The following CDH12 variants were observed in gnomAD, a reference collection of about 807,000 sequenced individuals.
CDH12 encodes cadherin 12, also known as cadherin-12.
Under a neutral mutation model 74.1 loss-of-function variants are expected in CDH12, and 41 were observed. That is an observed-to-expected ratio of 0.55 (90% CI 0.43 to 0.72). The LOEUF is 0.72. CDH12 is among the 30% of genes least tolerant of loss of function. The pLI is 0.00. For synonymous variants in CDH12, 399 were observed against 355.0 expected (o/e 1.12, Z -1.39); for missense variants, 945 against 977.2 (o/e 0.97, Z 0.44).
chr5:21,999,684 A>C (rs1457200032), intron 5 of CDH12, among the ~76,000 whole-genome samples: 4 of 151,680 alleles, frequency 2.6e-5, no homozygotes, highest in Non-Finnish European at 4.4e-5. Flanking sequence ...TTTTCCAGTC[A>C]TAAATGTCGA....
chr5:21,860,237 A>C (rs1033331897), intron 6 of CDH12, among the ~76,000 whole-genome samples: 6 of 152,080 alleles, frequency 3.9e-5, no homozygotes, highest in African/African-American at 1.4e-4. Context: ...TTATCATGTG[A>C]CACAAGATTT....
intron 1 of CDH12, among the ~76,000 whole-genome samples, chr5:22,814,577 A>T (rs773526859): frequency 5.9e-5 from 9 of 152,198 alleles, no homozygotes; most frequent in Non-Finnish European, 1.3e-4. Context: ...TGTAAAATCA[A>T]TCTATTCTTA....
At chr5:22,379,714 T>G (rs1373264390) in intron 3 of CDH12, among the ~76,000 whole-genome samples, 1 of 152,126 alleles carries the variant, frequency 6.6e-6, no homozygotes, top group Non-Finnish European at 1.5e-5. Flanking sequence ...TTGAAAGGTA[T>G]AGTAAATTAT....
At chr5:22,185,249 C>T (rs1156931732) in intron 4 of CDH12, among the ~76,000 whole-genome samples, 7 of 144,722 alleles carry the variant, frequency 4.8e-5, no homozygotes, top group Non-Finnish European at 7.5e-5. Context: ...CTCAGGCTGG[C>T]GTGCAGTGGT....
intron 2 of CDH12, among the ~76,000 whole-genome samples, chr5:22,452,880 CAAAAAAAAA>C (rs768945480): frequency 1.2e-4 from 4 of 32,204 alleles, no homozygotes; most frequent in Admixed American, 4.6e-4. Context: ...AACCTAAGAG[CAAAAAAAAA>C]AAAAAAAAAA....
chr5:22,584,935 C>A (rs1490439433), intron 1 of CDH12, among the ~76,000 whole-genome samples: 1 of 152,070 alleles, frequency 6.6e-6, no homozygotes, highest in African/African-American at 2.4e-5. Context: ...TAATATTTAT[C>A]TTAAAAAAAT....
chr5:22,797,908 G>A (rs1371008718), intron 1 of CDH12, among the ~76,000 whole-genome samples: 2 of 152,090 alleles, frequency 1.3e-5, no homozygotes, highest in Non-Finnish European at 2.9e-5. Context: ...TTGCTTTTGA[G>A]GAATAAATAA....
chr5:22,623,763 C>T (rs1325077334), intron 1 of CDH12, among the ~76,000 whole-genome samples: 4 of 152,060 alleles, frequency 2.6e-5, no homozygotes, highest in African/African-American at 9.7e-5. Context: ...AGATTCAATA[C>T]CATACCCATC....
chr5:21,860,320 C>T (rs753032996), intron 6 of CDH12, among the ~76,000 whole-genome samples: 35 of 151,790 alleles, frequency 2.3e-4, no homozygotes, highest in East Asian at 9.7e-4. Flanking sequence ...TAGTGTGCTT[C>T]GGGTTGTATG....
chr5:22,821,287 A>G (rs1199742545), intron 1 of CDH12, among the ~76,000 whole-genome samples: 2 of 152,118 alleles, frequency 1.3e-5, no homozygotes, highest in African/African-American at 2.4e-5. Flanking sequence ...CATACTGAAT[A>G]GGCAAAAACT....
At chr5:22,436,509 A>G (rs1433259415) in intron 2 of CDH12, among the ~76,000 whole-genome samples, 2 of 151,828 alleles carry the variant, frequency 1.3e-5, no homozygotes, top group Non-Finnish European at 2.9e-5. Context: ...CTGAATGCTC[A>G]GGGAGGCTGA....
At chr5:22,100,850 G>T (rs1277829388) in intron 4 of CDH12, among the ~76,000 whole-genome samples, 2 of 151,812 alleles carry the variant, frequency 1.3e-5, no homozygotes, top group African/African-American at 4.8e-5. Flanking sequence ...CTTATTTTGA[G>T]AATTATTCAA....
chr5:21,789,312 CA>C (rs1746365608), intron 10 of CDH12, among the ~76,000 whole-genome samples: 1 of 151,948 alleles, frequency 6.6e-6, no homozygotes, highest in Non-Finnish European at 1.5e-5. Flanking sequence ...AAAGAGAAAC[CA>C]TGTCTTTTTA....
chr5:22,381,445 G>A (rs904490666), intron 3 of CDH12, among the ~76,000 whole-genome samples: 4 of 151,944 alleles, frequency 2.6e-5, no homozygotes, highest in African/African-American at 9.7e-5. Context: ...CTTCGGGTTG[G>A]TCATTTAATG....
chr5:21,839,054 A>T (rs943579619), intron 8 of CDH12, among the ~76,000 whole-genome samples: 31 of 152,250 alleles, frequency 2.0e-4, no homozygotes, highest in Non-Finnish European at 2.8e-4. Flanking sequence ...ACAGCGCCCA[A>T]TTTCACAATG....
chr5:22,068,853 C>G (rs959284890), intron 5 of CDH12, among the ~76,000 whole-genome samples: 1 of 152,140 alleles, frequency 6.6e-6, no homozygotes, highest in Non-Finnish European at 1.5e-5. Context: ...GGCATGAGAC[C>G]AACAACACAC....
intron 1 of CDH12, among the ~76,000 whole-genome samples, chr5:22,837,929 T>G (rs553485725): frequency 6.6e-6 from 1 of 152,286 alleles, no homozygotes; most frequent in African/African-American, 2.4e-5. Context: ...ATCAATTTGG[T>G]GAAACGGGTA....
chr5:22,759,039 C>T (rs1157132962), intron 1 of CDH12, among the ~76,000 whole-genome samples: 1 of 151,988 alleles, frequency 6.6e-6, no homozygotes, highest in Non-Finnish European at 1.5e-5. Context: ...CAAATAAGAT[C>T]TTGGCTAAGA....
intron 7 of CDH12, among the ~76,000 whole-genome samples, chr5:21,849,161 A>G (rs1750333734): frequency 6.6e-6 from 1 of 151,820 alleles, no homozygotes; most frequent in Non-Finnish European, 1.5e-5. Flanking sequence ...TGTAACTCAC[A>G]CTATGTATTG....
Sources: allele counts gnomAD v4.1 joint callset (sites outside exome capture counted in the v4.1 genomes callset), GRCh38; gene constraint gnomAD v4.1.1; transcripts MANE v1.5; gene names NCBI Gene and HGNC (gene_info 2026-07-23, HGNC 2026-07-21).